PLAA: variants seen among roughly 807,000 people sequenced by gnomAD.
The protein encoded by PLAA is phospholipase A-2-activating protein.
In PLAA, 48 loss-of-function variants were observed where a neutral mutation model predicts 84.1. The ratio of observed to expected loss-of-function variants is 0.57; its 90% CI spans 0.45 to 0.73. The LOEUF is 0.73. Among genes scored for constraint, PLAA ranks in the 30% least tolerant of loss-of-function variants. The pLI is 0.00. For synonymous variants in PLAA, 392 were observed against 336.6 expected, an observed-to-expected ratio of 1.16 and a Z score of -1.80; for missense variants, 903 against 954.7, an observed-to-expected ratio of 0.95 and a Z score of 0.71.
intron 2 of PLAA, among the ~76,000 whole-genome samples, chr9:26,929,261 A>G (rs1212893660): frequency 6.6e-6 from 1 of 152,088 alleles, no homozygotes; most frequent in African/African-American, 2.4e-5. Flanking sequence ...CTGTAATCCT[A>G]GCATTTTGAA....
At chr9:26,942,748 G>A (rs914901647) in intron 1 of PLAA, among the ~76,000 whole-genome samples, 1 of 151,940 alleles carries the variant, frequency 6.6e-6, no homozygotes. Context: ...CGGGCGCCGT[G>A]GCGGGCGCCT....
At position 26,905,926 on chromosome 9, in the gene PLAA, A is replaced by G. The variant is rs777667024; in HGVS notation, c.1973T>C (p.Leu658Pro). The G allele has an allele frequency of 1.2e-6, 2 of 1,614,100 alleles. No individual in the cohort carries two copies. The highest frequency in any genetic ancestry group is 1.3e-5 in the African/African-American group (1 of 74,936). ...ACAATTGCAAAAAGTCCTGAGAGCA[A>G]GCAGCTGGTTTGCTGGCTTTCCTTT... ...NPKGKPANQL[L>P]ALRTFCNCFV... Residue 658 changes from leucine (L) to proline (P), a missense_variant, in exon 14 of 14, where the codon CTT (leucine) becomes CCT (proline). Transcript: ENST00000397292.
At chr9:26,915,714 A>G in intron 10 of PLAA, 2 of 985,008 alleles carry the variant, frequency 2.0e-6, no homozygotes, top group Non-Finnish European at 2.4e-6. Context: ...GCTATCTTGC[A>G]TATCTACATA....
At chr9:26,936,231 C>T in intron 1 of PLAA, among the ~76,000 whole-genome samples, 1 of 151,002 alleles carries the variant, frequency 6.6e-6, no homozygotes, top group East Asian at 1.9e-4. Flanking sequence ...TTAATTAAAC[C>T]CACAAGGCCA....
chr9:26,943,650 T>C (rs987195843), intron 1 of PLAA, among the ~76,000 whole-genome samples: 3 of 152,138 alleles, frequency 2.0e-5, no homozygotes, highest in African/African-American at 7.2e-5. Context: ...TTAACTCTAT[T>C]AATATGCTGT....
chr9:26,943,852 C>T (rs770181452), intron 1 of PLAA, among the ~76,000 whole-genome samples: 2 of 152,014 alleles, frequency 1.3e-5, no homozygotes, highest in Non-Finnish European at 2.9e-5. Context: ...ACTTAAGAGG[C>T]TGAGGTGGGA....
chr9:26,946,512 GAA>G (rs75570453), intron 1 of PLAA, among the ~76,000 whole-genome samples: 11,701 of 123,028 alleles, frequency 0.095, 713 homozygotes, highest in African/African-American at 0.2. Flanking sequence ...CATCTTCTTC[GAA>G]AAAAAAAAAA....
rs1319913689 is a variant in PLAA at position 26,935,002 on chromosome 9, A to G, written c.343+11T>C. On this transcript the variant is annotated intron_variant, in intron 2 of 13. Transcript: ENST00000397292. The stretch of plus-strand genomic sequence containing the variant: ...TCAAATAGAAAAACACCAAAGCATT[A>G]TTATACTCACCAGTATTTTTGTGGC... 5.1e-6 allele frequency: 8 copies of G among 1,553,980 alleles called. No individual in the cohort carries two copies. In the East Asian group the frequency reaches 1.6e-4, roughly 31 times the overall value.
chr9:26,933,072 A>G (rs1379740751), intron 2 of PLAA, among the ~76,000 whole-genome samples: 1 of 152,116 alleles, frequency 6.6e-6, no homozygotes, highest in Non-Finnish European at 1.5e-5. Flanking sequence ...GATCGACACC[A>G]TCCTGGCCAA....
chr9:26,943,843 C>T (rs904975941), intron 1 of PLAA, among the ~76,000 whole-genome samples: 1 of 151,974 alleles, frequency 6.6e-6, no homozygotes, highest in Admixed American at 6.6e-5. Flanking sequence ...GTCCCAGTTA[C>T]TTAAGAGGCT....
chr9:26,904,274 C>T lies in PLAA; in HGVS notation c.*1237G>A, dbSNP rs1264791799. 1 of 152,128 alleles carries T rather than the reference C, an allele frequency of 6.6e-6. No individual in the cohort carries two copies. Among genetic ancestry groups the T allele is most frequent in the Admixed American group, 6.5e-5 (1 of 15,276 alleles). 9.4% of individuals were successfully genotyped at this position (152,128 alleles called of 1,614,324 possible). A position where few individuals can be genotyped will look rare whatever the true frequency, so the allele number is the denominator to read the frequency against. On this transcript the variant is annotated 3_prime_UTR_variant, in exon 14 of 14. Coordinates refer to ENST00000397292, the MANE Select transcript of PLAA (RefSeq NM_001031689.3). ...CAGGGGATTCATGGTTTTTACACCA[C>T]GAGTATTGAGAATGTTGCTATTTCT... is the stretch of plus-strand genomic sequence containing the variant.
At chr9:26,927,116 T>TGTTTTTC (rs1314119840) in intron 4 of PLAA, among the ~76,000 whole-genome samples, 1 of 139,306 alleles carries the variant, frequency 7.2e-6, no homozygotes, top group African/African-American at 2.8e-5. Flanking sequence ...AAAGATACTT[T>TGTTTTTC]TTTTGTTTTT....
intron 5 of PLAA, 61 bp from the exon 6 acceptor site, chr9:26,926,021 C>G (rs1824945470): frequency 1.5e-6 from 2 of 1,356,292 alleles, no homozygotes; most frequent in Non-Finnish European, 2.1e-6. Flanking sequence ...TTATACATAC[C>G]ATCTTTCTAG....
At chr9:26,909,419 T>C (rs1824330926) in intron 12 of PLAA, among the ~76,000 whole-genome samples, 1 of 152,166 alleles carries the variant, frequency 6.6e-6, no homozygotes, top group South Asian at 2.1e-4. Context: ...TTATAAATTT[T>C]TACAATACTG....
intron 1 of PLAA, among the ~76,000 whole-genome samples, chr9:26,942,610 T>C (rs1417774528): frequency 1.4e-5 from 2 of 143,218 alleles, no homozygotes; most frequent in East Asian, 1.9e-4. Context: ...AGGCCGGGCA[T>C]GGTGGCTCAC....
chr9:26,907,561 CA>C, intron 13 of PLAA: 2 of 340,100 alleles, frequency 5.9e-6, no homozygotes, highest in East Asian at 7.1e-5. Flanking sequence ...CAAAACAAAA[CA>C]AAAAAACAAA....
chr9:26,938,798 T>C (rs1052429715), intron 1 of PLAA, among the ~76,000 whole-genome samples: 19 of 152,170 alleles, frequency 1.2e-4, no homozygotes, highest in Non-Finnish European at 2.1e-4. Context: ...GCTAATGATA[T>C]TGTAACTTTG....
Position 26,903,526 on chromosome 9 carries a change from T to G in PLAA, c.*1985A>C, listed in dbSNP as rs1210414070. 6.6e-6 allele frequency among the ~76,000 whole-genome samples: 1 copy of G among 152,188 alleles called. No homozygotes were observed. Among genetic ancestry groups the G allele is most frequent in the African/African-American group, 2.4e-5 (1 of 41,450 alleles). On this transcript the variant is annotated 3_prime_UTR_variant, in exon 14 of 14. Transcript: ENST00000397292. ...CTATGCCACAAGATGTTAAGAATAG[T>G]TTTCTCTAGATAGTGGCCTTACAGG...
Position 26,935,200 on chromosome 9 carries a change from G to T in PLAA, c.156C>A (p.Asn52Lys). Residue 52 changes from asparagine (N) to lysine (K), a missense_variant, in exon 2 of 14, where the codon AAC (asparagine) becomes AAA (lysine). By Grantham distance (94) the Asn-to-Lys change is moderately conservative. Transcript: ENST00000397292. Reference protein sequence around the residue: ...TTRLWAPDSPNRSFTEMHCMS... With the variant: ...TTRLWAPDSPKRSFTEMHCMS... ...TACAGTGCATTTCTGTAAAGCTCCT[G>T]TTTGGACTGGAAAGACAAGATAATT... The T allele has an allele frequency of 6.4e-7, 1 of 1,553,224 alleles. No individual in the cohort carries two copies. The highest frequency in any genetic ancestry group is 1.3e-5 in the South Asian group (1 of 79,346).
Sources: gnomAD v4.1 joint callset for allele counts (sites outside exome capture counted in the v4.1 genomes callset) on GRCh38, gnomAD v4.1.1 for gene constraint, MANE v1.5 for transcripts, NCBI Gene and HGNC (gene_info 2026-07-23, HGNC 2026-07-21) for gene names.